PDGFD: variants seen among roughly 807,000 people sequenced by gnomAD.
PDGFD encodes platelet-derived growth factor D.
PDGFD carries 30 observed loss-of-function variants against 44.7 expected under a neutral mutation model. The observed-to-expected ratio is 0.67, with a 90% CI of 0.50 to 0.91. The LOEUF is 0.91. PDGFD is among the 40% of genes least tolerant of loss of function. The pLI is 0.00. For synonymous variants in PDGFD, 173 were observed against 168.4 expected (o/e 1.03, Z -0.21); for missense variants, 445 against 457.8 (o/e 0.97, Z 0.25).
chr11:104,061,113 T>C (rs59751349), intron 1 of PDGFD, among the ~76,000 whole-genome samples: 3 of 152,322 alleles, frequency 2.0e-5, no homozygotes, highest in African/African-American at 4.8e-5. Context: ...TTTATACATG[T>C]TGAAGCACAT....
intron 1 of PDGFD, among the ~76,000 whole-genome samples, chr11:104,021,843 A>T (rs1426642218): frequency 6.6e-6 from 1 of 152,198 alleles, no homozygotes; most frequent in Non-Finnish European, 1.5e-5. Flanking sequence ...TGAGATGGAT[A>T]GCATTGGTGG....
intron 2 of PDGFD, among the ~76,000 whole-genome samples, chr11:103,999,323 A>G (rs1253876723): frequency 6.6e-6 from 1 of 152,184 alleles, no homozygotes; most frequent in Admixed American, 6.6e-5. Context: ...AAGAAAAAAA[A>G]AATCTTCCTC....
intron 1 of PDGFD, among the ~76,000 whole-genome samples, chr11:104,125,269 G>A (rs1402202773): frequency 6.6e-6 from 1 of 152,066 alleles, no homozygotes; most frequent in Non-Finnish European, 1.5e-5. Flanking sequence ...ATTTGACCTT[G>A]AGTATATTAC....
intron 1 of PDGFD, among the ~76,000 whole-genome samples, chr11:104,018,993 T>G (rs1372934733): frequency 1.3e-5 from 2 of 152,174 alleles, no homozygotes; most frequent in Non-Finnish European, 2.9e-5. Flanking sequence ...TGGGACCTCC[T>G]TAGAATGCAG....
intron 1 of PDGFD, among the ~76,000 whole-genome samples, chr11:104,058,049 C>T (rs955577586): frequency 2.6e-5 from 4 of 152,142 alleles, no homozygotes; most frequent in African/African-American, 4.8e-5. Flanking sequence ...AAATGTGAAG[C>T]CTGTAATATT....
intron 1 of PDGFD, among the ~76,000 whole-genome samples, chr11:104,134,164 T>C (rs897434173): frequency 1.3e-5 from 2 of 152,184 alleles, no homozygotes; most frequent in Admixed American, 1.3e-4. Context: ...TATTACCAAA[T>C]ATTTAGGGGT....
intron 1 of PDGFD, among the ~76,000 whole-genome samples, chr11:104,044,149 C>CAG (rs1565319417): frequency 6.6e-6 from 1 of 152,044 alleles, no homozygotes; most frequent in Non-Finnish European, 1.5e-5. Context: ...AGATACCAAC[C>CAG]AGAGAGCAGT....
rs571700150 is a variant in PDGFD, at chr11:103,962,293, T to C, written c.511-14569A>G. Among the ~76,000 whole-genome samples the C allele has an allele frequency of 2.0e-5, 3 of 152,326 alleles. No homozygotes were observed. In the East Asian group the frequency reaches 5.8e-4, roughly 29 times the overall value. ...CCTCAGCAGGGTACAAAATTACCTT[T>C]CTTTTTCAAAGAAGAGTTAGAATGT... On this transcript the variant is annotated intron_variant, in intron 3 of 6. Coordinates refer to ENST00000393158, the MANE Select transcript of PDGFD (RefSeq NM_025208.5).
At chr11:104,035,475 C>A (rs1369954389) in intron 1 of PDGFD, among the ~76,000 whole-genome samples, 1 of 151,832 alleles carries the variant, frequency 6.6e-6, no homozygotes, top group Non-Finnish European at 1.5e-5. Context: ...TTGCAAGAAG[C>A]CTCTTCCTTA....
At chr11:104,037,575 TG>T (rs773421881) in intron 1 of PDGFD, 1 of 1,614,056 alleles carries the variant, frequency 6.2e-7, no homozygotes, top group Non-Finnish European at 8.5e-7. Context: ...GCAAAGTGAA[TG>T]GGCATCCTTT....
chr11:104,136,532 G>C (rs890638626), intron 1 of PDGFD, among the ~76,000 whole-genome samples: 7 of 152,160 alleles, frequency 4.6e-5, no homozygotes, highest in Non-Finnish European at 8.8e-5. Flanking sequence ...CATAAAAACA[G>C]ATTAGAAGGA....
rs984008682 is a variant in PDGFD at position 103,909,165 on chromosome 11, A to G, written c.*529T>C. ...ATTTTTCCTTTTTTAATAATCAACTAAGATGTATATGTAAGAAAGCCTCAT... is the reference window on the plus strand; with the variant it reads ...ATTTTTCCTTTTTTAATAATCAACTGAGATGTATATGTAAGAAAGCCTCAT... On this transcript the variant is annotated 3_prime_UTR_variant, in exon 7 of 7. Coordinates refer to ENST00000393158, the MANE Select transcript of PDGFD (RefSeq NM_025208.5). 1 of 152,556 alleles carries G rather than the reference A, an allele frequency of 6.6e-6. No individual in the cohort carries two copies. The highest frequency in any genetic ancestry group is 1.5e-5 in the Non-Finnish European group (1 of 68,286). 9.5% of individuals were successfully genotyped at this position (152,556 alleles called of 1,614,324 possible).
At chr11:104,144,660 T>C (rs150212387) in intron 1 of PDGFD, among the ~76,000 whole-genome samples, 249 of 152,294 alleles carry the variant, frequency 1.6e-3, no homozygotes, top group African/African-American at 5.4e-3. Context: ...CCAATCTTAC[T>C]GAAGCTGGCA....
chr11:104,071,725 T>C (rs957005983), intron 1 of PDGFD, among the ~76,000 whole-genome samples: 1 of 151,818 alleles, frequency 6.6e-6, no homozygotes, highest in East Asian at 1.9e-4. Context: ...GTTGTAGTTA[T>C]GAAACCTTTC....
chr11:104,023,815 C>T (rs1859998797), intron 1 of PDGFD, among the ~76,000 whole-genome samples: 1 of 152,150 alleles, frequency 6.6e-6, no homozygotes. Flanking sequence ...TACTGAAGAA[C>T]TTCTTCTAGG....
At chr11:104,009,421 T>C (rs1397312381) in intron 1 of PDGFD, among the ~76,000 whole-genome samples, 2 of 134,150 alleles carry the variant, frequency 1.5e-5, no homozygotes, top group African/African-American at 5.8e-5. Context: ...TCCTGTGTCT[T>C]GCAAATGCAT....
chr11:104,019,387 A>C (rs564743939), intron 1 of PDGFD, among the ~76,000 whole-genome samples: 6 of 152,346 alleles, frequency 3.9e-5, no homozygotes, highest in African/African-American at 1.4e-4. Context: ...GAGGCCCATT[A>C]ATGTCTGAGA....
intron 3 of PDGFD, among the ~76,000 whole-genome samples, chr11:103,982,364 C>G (rs183441346): frequency 6.6e-6 from 1 of 151,834 alleles, no homozygotes; most frequent in African/African-American, 2.4e-5. Flanking sequence ...GCCTGCTGAG[C>G]GCAATGCACA....
chr11:103,954,455 T>G (rs546167766), intron 3 of PDGFD, among the ~76,000 whole-genome samples: 13 of 152,362 alleles, frequency 8.5e-5, no homozygotes, highest in Non-Finnish European at 1.2e-4. Context: ...AGGGTGGCTG[T>G]TCATTTTTAT....
Sources: gnomAD v4.1 joint callset for allele counts (sites outside exome capture counted in the v4.1 genomes callset) on GRCh38, gnomAD v4.1.1 for gene constraint, MANE v1.5 for transcripts, NCBI Gene and HGNC (gene_info 2026-07-23, HGNC 2026-07-21) for gene names.